Variants in TTC39B observed in about 807,000 individuals in gnomAD.
The protein encoded by TTC39B is tetratricopeptide repeat protein 39B.
Under a neutral mutation model 96.6 loss-of-function variants are expected in TTC39B, and 92 were observed. The ratio of observed to expected loss-of-function variants is 0.95; its 90% CI spans 0.80 to 1.13. TTC39B has a LOEUF of 1.13. Ranked by LOEUF, TTC39B falls within the 50% of genes most tolerant of loss-of-function variation. TTC39B has a pLI of 0.00. For synonymous variants in TTC39B, 367 were observed against 299.4 expected (o/e 1.23, Z -2.33); for missense variants, 955 against 809.3 (o/e 1.18, Z -2.18).
At chr9:15,200,513 A>G (rs1819472260) in intron 7 of TTC39B, among the ~76,000 whole-genome samples, 1 of 152,222 alleles carries the variant, frequency 6.6e-6, no homozygotes, top group African/African-American at 2.4e-5. Flanking sequence ...TGTTTATCTG[A>G]TTGTCATCGA....
At chr9:15,286,805 T>C (rs1823989544) in intron 1 of TTC39B, among the ~76,000 whole-genome samples, 1 of 152,196 alleles carries the variant, frequency 6.6e-6, no homozygotes, top group Non-Finnish European at 1.5e-5. Context: ...AGTTATTTCT[T>C]TATCATCCAT....
intron 2 of TTC39B, among the ~76,000 whole-genome samples, chr9:15,253,786 T>C (rs1305165913): frequency 6.6e-6 from 1 of 152,174 alleles, no homozygotes; most frequent in Non-Finnish European, 1.5e-5. Context: ...AAACTATCAC[T>C]CTTTTTTCCT....
chr9:15,306,739 G>A lies in TTC39B; in HGVS notation c.240+345C>T, dbSNP rs1824765316. ...GGGTCAGACTTCGTAAAGCCCAGGC[G>A]TCGCTGGGCCGGCCCGGAACAGCTC... On this transcript the variant is annotated intron_variant, in intron 1 of 19. Coordinates refer to ENST00000512701, the Ensembl canonical transcript of TTC39B. This position sits in a 1 kb window ranked among gnomAD's most constrained non-coding sequence, Gnocchi z 5.1. Among the ~76,000 whole-genome samples, 1 of 152,202 alleles carries A rather than the reference G, an allele frequency of 6.6e-6. No homozygotes were observed. Among genetic ancestry groups the A allele is most frequent in the Non-Finnish European group, 1.5e-5 (1 of 68,036 alleles).
At chr9:15,221,485 T>C (rs895658122) in intron 3 of TTC39B, among the ~76,000 whole-genome samples, 2 of 152,138 alleles carry the variant, frequency 1.3e-5, no homozygotes, top group African/African-American at 4.8e-5. Context: ...TCAGCAATTC[T>C]TTACTTTCTG....
intron 6 of TTC39B, among the ~76,000 whole-genome samples, chr9:15,208,963 C>T (rs1056696573): frequency 6.6e-6 from 1 of 152,194 alleles, no homozygotes; most frequent in African/African-American, 2.4e-5. Flanking sequence ...AGAAACTACT[C>T]TGACAGCAAT....
At position 15,185,271 on chromosome 9, in the gene TTC39B, A is replaced by C; in HGVS notation, c.1614+9T>G. On this transcript the variant is annotated intron_variant, in intron 16 of 19. Transcript: ENST00000512701. Reference sequence around the variant, plus strand: ...TTCTAGTACATGAAAAGAAAATAAAAGCAGATACCAGGGCAGGTAAGATGA... The same window carrying C: ...TTCTAGTACATGAAAAGAAAATAAACGCAGATACCAGGGCAGGTAAGATGA... 1 of 1,600,242 alleles carries C rather than the reference A, an allele frequency of 6.2e-7. No individual in the cohort carries two copies. Among genetic ancestry groups the C allele is most frequent in the East Asian group, 2.2e-5 (1 of 44,516 alleles).
At chr9:15,214,054 G>C in intron 4 of TTC39B, 85 bp downstream of exon 4, 5 of 1,042,698 alleles carry the variant, frequency 4.8e-6, no homozygotes, top group Non-Finnish European at 7.1e-6. Flanking sequence ...GATGGGAACA[G>C]CTAAATTAAT....
intron 3 of TTC39B, among the ~76,000 whole-genome samples, chr9:15,223,681 TC>T (rs1203266386): frequency 6.6e-6 from 1 of 152,208 alleles, no homozygotes; most frequent in Non-Finnish European, 1.5e-5. Flanking sequence ...AGAAGACCTA[TC>T]AATTAAAAGG....
At chr9:15,191,196 C>A (rs566077657) in exon 10 of TTC39B, 6 of 1,605,928 alleles carry the variant, frequency 3.7e-6, no homozygotes, top group Non-Finnish European at 4.3e-6. Flanking sequence ...GTACCCTATT[C>A]CCAGAAAATC....
At chr9:15,303,073 C>T (rs771592112) in intron 1 of TTC39B, among the ~76,000 whole-genome samples, 4 of 151,866 alleles carry the variant, frequency 2.6e-5, no homozygotes, top group African/African-American at 9.7e-5. Context: ...GAGGCTGAAG[C>T]AGCAGAATCG....
At chr9:15,234,962 C>A (rs999725352) in intron 2 of TTC39B, among the ~76,000 whole-genome samples, 6 of 151,106 alleles carry the variant, frequency 4.0e-5, no homozygotes, top group African/African-American at 1.5e-4. Flanking sequence ...GCTGACCTTC[C>A]CTCCACTATT....
At chr9:15,182,360 G>A in exon 17 of TTC39B, 1 of 1,612,252 alleles carries the variant, frequency 6.2e-7, no homozygotes, top group Non-Finnish European at 8.5e-7. Flanking sequence ...CAGATTTTCA[G>A]AAAGGTCTTT....
intron 1 of TTC39B, among the ~76,000 whole-genome samples, chr9:15,302,060 C>T (rs528293642): frequency 7.2e-5 from 11 of 152,300 alleles, no homozygotes; most frequent in South Asian, 2.1e-4. Flanking sequence ...CGGTGGCTCA[C>T]GCCTGTAATC....
intron 1 of TTC39B, among the ~76,000 whole-genome samples, chr9:15,300,927 G>C (rs1320166816): frequency 6.8e-6 from 1 of 146,744 alleles, no homozygotes; most frequent in Non-Finnish European, 1.5e-5. Flanking sequence ...AACCTTCCAG[G>C]TTCCCATTTT....
At chr9:15,275,700 G>C (rs1400834031) in intron 1 of TTC39B, among the ~76,000 whole-genome samples, 1 of 152,088 alleles carries the variant, frequency 6.6e-6, no homozygotes, top group Non-Finnish European at 1.5e-5. Flanking sequence ...TTAGGCAGGT[G>C]GAAATGTATA....
At chr9:15,192,858 AG>A (rs1260132598) in intron 8 of TTC39B, among the ~76,000 whole-genome samples, 163 bp from the exon 9 acceptor site, 3 of 152,234 alleles carry the variant, frequency 2.0e-5, no homozygotes, top group Non-Finnish European at 2.9e-5. Context: ...TAAGGATACT[AG>A]GTAATAATCA....
At chr9:15,266,456 AG>A in intron 2 of TTC39B, among the ~76,000 whole-genome samples, 1 of 152,308 alleles carries the variant, frequency 6.6e-6, no homozygotes, top group African/African-American at 2.4e-5. Flanking sequence ...GTCATACAAA[AG>A]ATGCAATGTA....
chr9:15,265,796 G>C (rs1273995502), intron 2 of TTC39B, among the ~76,000 whole-genome samples: 1 of 152,102 alleles, frequency 6.6e-6, no homozygotes, highest in Non-Finnish European at 1.5e-5. Flanking sequence ...TCCATCTGGG[G>C]TCTTCTTCCC....
intron 2 of TTC39B, among the ~76,000 whole-genome samples, chr9:15,253,374 G>A (rs1339633207): frequency 3.3e-5 from 5 of 152,228 alleles, no homozygotes; most frequent in African/African-American, 1.2e-4. Context: ...GATGCAGGAT[G>A]TGGCCAAGAG....
Sources: allele counts gnomAD v4.1 joint callset (sites outside exome capture counted in the v4.1 genomes callset), GRCh38; gene constraint gnomAD v4.1.1; non-coding constraint Gnocchi (gnomAD v3.1); transcripts MANE v1.5; gene names NCBI Gene and HGNC (gene_info 2026-07-23, HGNC 2026-07-21).